The following HK1 variants were observed in gnomAD, a reference collection of about 807,000 sequenced individuals.
HK1 encodes the protein hexokinase-1.
In HK1, 28 loss-of-function variants were observed where a neutral mutation model predicts 91.6. The ratio of observed to expected loss-of-function variants is 0.31; its 90% CI spans 0.23 to 0.42. The LOEUF (loss-of-function observed/expected upper bound fraction) is 0.42, where lower values mean the gene tolerates loss of function less well. HK1 is among the 10% of genes least tolerant of loss of function. The pLI, the probability that HK1 is intolerant of heterozygous loss-of-function variation, is 1.00. For synonymous variants in HK1, 430 were observed against 468.1 expected, an observed-to-expected ratio of 0.92 and a Z score of 1.05; for missense variants, 770 against 1,219.8, an observed-to-expected ratio of 0.63 and a Z score of 5.49.
intron 7 of HK1, among the ~76,000 whole-genome samples, chr10:69,374,802 C>T (rs752488440): frequency 6.6e-6 from 1 of 152,214 alleles, no homozygotes; most frequent in South Asian, 2.1e-4. Context: ...TGAAAAGCAG[C>T]GGGCAGAGGG....
chr10:69,350,522 C>T (rs1253827181), intron 2 of HK1, among the ~76,000 whole-genome samples: 4 of 151,634 alleles, frequency 2.6e-5, no homozygotes, highest in East Asian at 2.0e-4. Flanking sequence ...ATTAGTTGGG[C>T]GTGGTGGTGC....
intron 1 of HK1, among the ~76,000 whole-genome samples, chr10:69,323,854 G>C (rs1009054858): frequency 1.3e-5 from 2 of 152,162 alleles, no homozygotes; most frequent in African/African-American, 4.8e-5. Flanking sequence ...GACTGATTTG[G>C]CATGACTGGG....
At chr10:69,332,799 G>T (rs914169842) in intron 1 of HK1, among the ~76,000 whole-genome samples, 6 of 152,092 alleles carry the variant, frequency 3.9e-5, no homozygotes, top group Admixed American at 2.6e-4. Flanking sequence ...ACAAATGCCA[G>T]GTGTTATCAT....
rs139418903 is a variant in HK1, at chr10:69,275,487, A to T, written c.-391+5379A>T. Among the ~76,000 whole-genome samples the T allele has an allele frequency of 7.9e-5, 12 of 152,230 alleles. 1 individual carries two copies. Among genetic ancestry groups the T allele is most frequent in the African/African-American group, 2.9e-4 (12 of 41,558 alleles). On this transcript the variant is annotated intron_variant, in intron 1 of 21. Coordinates refer to the HK1 transcript ENST00000360289. ...TTTTAACTTAATTATATGTTGATTT[A>T]TGGCCTATATCAGGGATTGACTAAT... is the stretch of plus-strand genomic sequence containing the variant.
At chr10:69,391,372 G>C (rs1006953747) in intron 14 of HK1, among the ~76,000 whole-genome samples, 1 of 152,252 alleles carries the variant, frequency 6.6e-6, no homozygotes, top group Non-Finnish European at 1.5e-5. Context: ...GCTGGGCGTG[G>C]TGCCCACGCC....
At chr10:69,350,539 G>A (rs1227166377) in intron 2 of HK1, among the ~76,000 whole-genome samples, 2 of 152,016 alleles carry the variant, frequency 1.3e-5, no homozygotes, top group Non-Finnish European at 2.9e-5. Flanking sequence ...GTGCATGCCT[G>A]TAGACCCAGC....
intron 16 of HK1, among the ~76,000 whole-genome samples, chr10:69,396,602 C>G (rs1360789312): frequency 6.7e-6 from 1 of 149,760 alleles, no homozygotes; most frequent in South Asian, 2.1e-4. Context: ...AGCATTTGTC[C>G]TTTGTGACTG....
At chr10:69,322,983 C>G (rs1285840965) in intron 1 of HK1, among the ~76,000 whole-genome samples, 2 of 151,794 alleles carry the variant, frequency 1.3e-5, no homozygotes, top group South Asian at 2.1e-4. Flanking sequence ...CACAGTGGCT[C>G]ATGCCTGTAA....
chr10:69,394,373 C>CT lies in HK1; in HGVS notation c.2220-569dup, dbSNP rs200393176. On this transcript the variant is annotated intron_variant, in intron 15 of 17. Transcript: ENST00000359426. Reference sequence around the variant, plus strand: ...CCTTTAGAAAAATCTAGAAACTTTCCTTTTTTTTGTCTTCTTGTTCCTTTA... The same window carrying CT: ...CCTTTAGAAAAATCTAGAAACTTTCCTTTTTTTTTGTCTTCTTGTTCCTTTA... Among the ~76,000 whole-genome samples the CT allele has an allele frequency of 7.0e-3, 1,067 of 152,118 alleles. 7 individuals are homozygous for CT. Among genetic ancestry groups the CT allele is most frequent in the South Asian group, 0.04 (191 of 4,824 alleles).
At chr10:69,363,355 A>G (rs1849534926) in intron 3 of HK1, among the ~76,000 whole-genome samples, 1 of 152,260 alleles carries the variant, frequency 6.6e-6, no homozygotes, top group African/African-American at 2.4e-5. Context: ...TCTTCTGGTT[A>G]GAACACACAT....
At chr10:69,280,146 G>T (rs1272804742) in intron 1 of HK1, among the ~76,000 whole-genome samples, 1 of 151,564 alleles carries the variant, frequency 6.6e-6, no homozygotes, top group African/African-American at 2.4e-5. Flanking sequence ...TTTTTAGACA[G>T]AGTCTCGCAC....
intron 1 of HK1, among the ~76,000 whole-genome samples, chr10:69,342,835 A>T (rs1393871820): frequency 6.6e-6 from 1 of 152,234 alleles, no homozygotes; most frequent in African/African-American, 2.4e-5. Flanking sequence ...TGTCTAGCTC[A>T]ATTCTAGGCA....
chr10:69,273,918 A>T (rs970557736), intron 1 of HK1, among the ~76,000 whole-genome samples: 1 of 152,042 alleles, frequency 6.6e-6, no homozygotes, highest in Non-Finnish European at 1.5e-5. Flanking sequence ...TAATTCCAAC[A>T]TCTGGGTTAC....
intron 1 of HK1, among the ~76,000 whole-genome samples, chr10:69,322,839 G>A (rs1195102975): frequency 1.3e-5 from 2 of 150,650 alleles, no homozygotes; most frequent in African/African-American, 2.4e-5. Flanking sequence ...GCGGTGAGCC[G>A]AGATCACGCC....
intron 1 of HK1, among the ~76,000 whole-genome samples, chr10:69,329,172 T>TTCTTCTTC (rs1847555911): frequency 7.4e-6 from 1 of 135,294 alleles, no homozygotes; most frequent in African/African-American, 3.4e-5. Context: ...TCTTCTTCTT[T>TTCTTCTTC]TTTTTTTTTC....
chr10:69,313,436 A>G (rs1315157272), upstream of HK1, among the ~76,000 whole-genome samples: 1 of 152,166 alleles, frequency 6.6e-6, no homozygotes, highest in South Asian at 2.1e-4. Flanking sequence ...GGTGCCTGAA[A>G]TCTAGATTTT....
Position 69,386,431 on chromosome 10 carries a change from A to G in HK1, c.1935+13A>G. The G allele has an allele frequency of 6.3e-7, 1 of 1,591,862 alleles. No homozygotes were observed. Among genetic ancestry groups the G allele is most frequent in the Non-Finnish European group, 8.6e-7 (1 of 1,160,058 alleles). On this transcript the variant is annotated intron_variant, in intron 13 of 17. Coordinates refer to ENST00000359426, the MANE Select transcript of HK1 (RefSeq NM_000188.3). ...AAAAAGGAGAGAGGTAACTATTAAA[A>G]GAATGTTTTTTAAAATCTTTACTGT... is the stretch of plus-strand genomic sequence containing the variant.
intron 1 of HK1, among the ~76,000 whole-genome samples, chr10:69,341,764 C>T (rs1015960373): frequency 6.6e-6 from 1 of 151,952 alleles, no homozygotes; most frequent in African/African-American, 2.4e-5. Flanking sequence ...CCTCTTCTGG[C>T]AATTTCTATT....
At position 69,276,118 on chromosome 10, in the gene HK1, A is replaced by AAAAATATATATATATAT; in HGVS notation, c.-391+6011_-391+6012insAAATATATATATATATA. On this transcript the variant is annotated intron_variant, in intron 1 of 21. Coordinates refer to the HK1 transcript ENST00000360289. ...AAAAAAAAAAAAAAAAAAAAAAAAA[A>AAAAATATATATATATAT]ATACATATATATATATATATACACA... is the stretch of plus-strand genomic sequence containing the variant. Among the ~76,000 whole-genome samples the AAAAATATATATATATAT allele has an allele frequency of 7.1e-4, 27 of 38,264 alleles. 5 individuals carry two copies. The highest frequency in any genetic ancestry group is 6.2e-3 in the South Asian group (4 of 644). The allele number at this position is 38,264 out of a possible 152,430, so 25.1% of individuals were successfully genotyped here.
Sources: gnomAD v4.1 joint callset for allele counts (sites outside exome capture counted in the v4.1 genomes callset) on GRCh38, gnomAD v4.1.1 for gene constraint, MANE v1.5 for transcripts, NCBI Gene and HGNC (gene_info 2026-07-23, HGNC 2026-07-21) for gene names.